Variants in GRM7 observed in about 807,000 individuals in gnomAD.
GRM7 encodes glutamate metabotropic receptor 7.
Under a neutral mutation model 84.5 loss-of-function variants are expected in GRM7, and 35 were observed. The ratio of observed to expected loss-of-function variants is 0.41; its 90% CI spans 0.32 to 0.55. GRM7 has a LOEUF of 0.55. Among genes scored for constraint, GRM7 ranks in the 20% least tolerant of loss-of-function variants. The probability of loss-of-function intolerance (pLI) is 0.19; values close to 1 mark genes in which losing one functional copy is unlikely to be tolerated. For missense variants in GRM7, 1,003 were observed against 1,194.6 expected, an observed-to-expected ratio of 0.84 and a Z score of 2.36; for synonymous variants, 487 against 455.1, an observed-to-expected ratio of 1.07 and a Z score of -0.89.
At chr3:7,061,103 G>C (rs752786491) in intron 1 of GRM7, among the ~76,000 whole-genome samples, 5 of 151,684 alleles carry the variant, frequency 3.3e-5, no homozygotes, top group Non-Finnish European at 7.4e-5. Context: ...ATTTATATGT[G>C]GGCAGACTCT....
At chr3:7,671,745 G>GT (rs1009629315) in intron 8 of GRM7, among the ~76,000 whole-genome samples, 40 of 151,998 alleles carry the variant, frequency 2.6e-4, no homozygotes, top group Middle Eastern at 3.4e-3. Context: ...TATCTGCAGA[G>GT]TATGAGGCCA....
intron 8 of GRM7, among the ~76,000 whole-genome samples, chr3:7,663,138 CA>C (rs1699537060): frequency 6.6e-6 from 1 of 152,116 alleles, no homozygotes; most frequent in South Asian, 2.1e-4. Flanking sequence ...CCAGGGAACA[CA>C]AGTGCAGGAG....
Position 7,676,001 on chromosome 3 carries a change from C to G in GRM7, c.2452-4048C>G, listed in dbSNP as rs543964413. On this transcript the variant is annotated intron_variant, in intron 8 of 9. Transcript: ENST00000357716. Reference sequence around the variant, plus strand: ...ATAGCTATGGGTTCTGCACATCGGACTTTTTTTTTTGTCGCCCAGGCTGGA... The same window carrying G: ...ATAGCTATGGGTTCTGCACATCGGAGTTTTTTTTTTGTCGCCCAGGCTGGA... Among the ~76,000 whole-genome samples, 28 of 148,752 alleles carry G rather than the reference C, an allele frequency of 1.9e-4. 1 individual carries two copies. In the South Asian group the frequency reaches 6.0e-3, roughly 32 times the overall value.
intron 1 of GRM7, among the ~76,000 whole-genome samples, chr3:7,124,747 A>G (rs756771049): frequency 4.6e-5 from 7 of 152,216 alleles, no homozygotes; most frequent in Non-Finnish European, 1.0e-4. Flanking sequence ...CATCACAATG[A>G]GAACTTTTTG....
rs1694976346 is a variant in GRM7 at position 7,171,333 on chromosome 3, C to T, written c.736+24665C>T. Among the ~76,000 whole-genome samples, 3 of 152,186 alleles carry T rather than the reference C, an allele frequency of 2.0e-5. No individual in the cohort carries two copies. The South Asian group carries it at 6.2e-4, about 32-fold the overall frequency. On this transcript the variant is annotated intron_variant, in intron 2 of 9. Transcript: ENST00000357716. ...ATATCATGCATTCCAGATTAGGGCC[C>T]AGCCTAATAATCTTATGTTAACTTA... is the stretch of plus-strand genomic sequence containing the variant.
intron 3 of GRM7, 23 bp from the exon 4 acceptor site, chr3:7,306,475 A>G: frequency 6.2e-7 from 1 of 1,607,662 alleles, no homozygotes; most frequent in Non-Finnish European, 8.5e-7. Context: ...CATTAATATA[A>G]CTTTCCATAT....
At chr3:6,956,457 C>T (rs17046460) in intron 1 of GRM7, 38,492 of 432,374 alleles carry the variant, frequency 0.089, 1,966 homozygotes, top group Middle Eastern at 0.13. Flanking sequence ...GGGCAAACGC[C>T]GGCACCATGT....
At chr3:7,254,744 G>A (rs1698133459) in intron 2 of GRM7, among the ~76,000 whole-genome samples, 1 of 152,172 alleles carries the variant, frequency 6.6e-6, no homozygotes, top group Non-Finnish European at 1.5e-5. Flanking sequence ...TTTGACTTCA[G>A]GCAAGTTGCT....
intron 3 of GRM7, among the ~76,000 whole-genome samples, chr3:7,304,900 A>G (rs1015412647): frequency 4.6e-5 from 7 of 152,312 alleles, no homozygotes; most frequent in Non-Finnish European, 1.0e-4. Context: ...ATTTTCCTCA[A>G]TAATGAGTGT....
At chr3:7,551,543 C>T (rs1217046868) in intron 7 of GRM7, among the ~76,000 whole-genome samples, 1 of 151,440 alleles carries the variant, frequency 6.6e-6, no homozygotes, top group Non-Finnish European at 1.5e-5. Context: ...ATCCCAGATC[C>T]TTTACAATTC....
chr3:7,584,508 A>C (rs183453295), intron 8 of GRM7, among the ~76,000 whole-genome samples: 107 of 152,324 alleles, frequency 7.0e-4, no homozygotes, highest in South Asian at 1.7e-3. Flanking sequence ...CCAAATTGTG[A>C]AGGGCTCTGT....
At chr3:7,276,207 ATGTGTGTGTGTGTG>A (rs923161861) in intron 2 of GRM7, among the ~76,000 whole-genome samples, 1 of 96,666 alleles carries the variant, frequency 1.0e-5, no homozygotes, top group Non-Finnish European at 2.1e-5. Flanking sequence ...ATATATATAT[ATGTGTGTGTGTGTG>A]TGTGTGTGTG....
At chr3:7,484,447 A>G (rs944294256) in intron 7 of GRM7, among the ~76,000 whole-genome samples, 2 of 152,226 alleles carry the variant, frequency 1.3e-5, no homozygotes, top group Non-Finnish European at 2.9e-5. Context: ...TGTGAGTAGA[A>G]TATGTGTCAA....
At chr3:7,441,512 AT>A (rs2124871786) in intron 5 of GRM7, among the ~76,000 whole-genome samples, 1 of 152,040 alleles carries the variant, frequency 6.6e-6, no homozygotes, top group Admixed American at 6.6e-5. Flanking sequence ...ACATTTGTCA[AT>A]TTTTGTTGCA....
chr3:7,580,961 T>G (rs1695220573), intron 8 of GRM7, among the ~76,000 whole-genome samples: 1 of 152,126 alleles, frequency 6.6e-6, no homozygotes, highest in African/African-American at 2.4e-5. Context: ...ATGATGAGTA[T>G]CTTAAAAGCC....
At chr3:7,010,378 C>T (rs1056843499) in intron 1 of GRM7, among the ~76,000 whole-genome samples, 12 of 152,154 alleles carry the variant, frequency 7.9e-5, no homozygotes, top group African/African-American at 2.9e-4. Context: ...TGCTTGAACC[C>T]GGGAAGCAGA....
chr3:7,616,291 G>A (rs1007471060), intron 8 of GRM7, among the ~76,000 whole-genome samples: 5 of 151,988 alleles, frequency 3.3e-5, no homozygotes, highest in East Asian at 1.9e-4. Flanking sequence ...TCTGCCCCCC[G>A]ACAAAGAAGT....
At chr3:7,166,658 C>G (rs377248743) in intron 2 of GRM7, among the ~76,000 whole-genome samples, 4 of 152,266 alleles carry the variant, frequency 2.6e-5, no homozygotes, top group Middle Eastern at 3.4e-3. Context: ...GCCATGTACA[C>G]CAAATCCCTG....
chr3:7,542,468 T>C (rs977292571), intron 7 of GRM7, among the ~76,000 whole-genome samples: 2 of 152,180 alleles, frequency 1.3e-5, no homozygotes, highest in African/African-American at 4.8e-5. Flanking sequence ...AGATGTGTTT[T>C]CTATTCCACC....
Sources: gnomAD v4.1 joint callset for allele counts (sites outside exome capture counted in the v4.1 genomes callset) on GRCh38, gnomAD v4.1.1 for gene constraint, MANE v1.5 for transcripts, NCBI Gene and HGNC (gene_info 2026-07-23, HGNC 2026-07-21) for gene names.